The following TLK2 variants were observed in gnomAD, a reference collection of about 807,000 sequenced individuals.
TLK2 encodes the protein tousled like kinase 2, also known as serine/threonine-protein kinase tousled-like 2.
A neutral mutation model predicts 117.3 loss-of-function variants in TLK2; 6 were observed. That is an observed-to-expected ratio of 0.05 (90% confidence interval 0.03 to 0.10). The LOEUF is 0.10. Ranked by LOEUF, TLK2 falls within the 10% of genes least tolerant of loss-of-function variation. The pLI, the probability that TLK2 is intolerant of heterozygous loss-of-function variation, is 1.00. For missense variants in TLK2, 299 were observed against 901.2 expected (o/e 0.33, Z 8.56); for synonymous variants, 257 against 316.7 (o/e 0.81, Z 2.00).
intron 7 of TLK2, among the ~76,000 whole-genome samples, chr17:62,539,188 T>C (rs1455820284): frequency 6.6e-6 from 1 of 152,204 alleles, no homozygotes; most frequent in African/African-American, 2.4e-5. Flanking sequence ...TCCATTCCCA[T>C]AAAATTACAC....
chr17:62,506,250 A>T (rs1182167749), intron 2 of TLK2, among the ~76,000 whole-genome samples: 1 of 152,240 alleles, frequency 6.6e-6, no homozygotes, highest in Non-Finnish European at 1.5e-5. Context: ...CCAGACAGAT[A>T]GGTAGAACCT....
chr17:62,505,893 A>C (rs2074646680), intron 2 of TLK2, among the ~76,000 whole-genome samples: 1 of 152,044 alleles, frequency 6.6e-6, no homozygotes, highest in Non-Finnish European at 1.5e-5. Flanking sequence ...GGGTTTTGCC[A>C]TGTTGCTCAG....
At chr17:62,488,025 C>T (rs1336511169) in intron 2 of TLK2, among the ~76,000 whole-genome samples, 1 of 152,056 alleles carries the variant, frequency 6.6e-6, no homozygotes, top group Non-Finnish European at 1.5e-5. Context: ...CAGCAATCTC[C>T]ACCTCCCGGG....
At chr17:62,594,984 C>T (rs1285893305) in intron 16 of TLK2, among the ~76,000 whole-genome samples, 8 of 151,954 alleles carry the variant, frequency 5.3e-5, no homozygotes, top group African/African-American at 1.4e-4. Context: ...TTTTTTGAGA[C>T]GGAGTCTAAC....
chr17:62,590,488 C>A (rs1266957943), intron 16 of TLK2, among the ~76,000 whole-genome samples: 1 of 152,164 alleles, frequency 6.6e-6, no homozygotes, highest in Non-Finnish European at 1.5e-5. Flanking sequence ...TGCAATATTA[C>A]AAGGAATCTT....
At chr17:62,474,638 G>A (rs987756142), upstream of TLK2, among the ~76,000 whole-genome samples, 15 of 150,530 alleles carry the variant, frequency 1.0e-4, no homozygotes, top group Non-Finnish European at 2.2e-4. Flanking sequence ...TCGATCTCCT[G>A]ACCTCGTGAT....
Position 62,510,669 on chromosome 17 carries a change from T to C in TLK2, c.82-10104T>C, listed in dbSNP as rs9915545. 6.9e-3 allele frequency among the ~76,000 whole-genome samples: 1,046 copies of C among 152,370 alleles called. 7 individuals are homozygous for C. Among genetic ancestry groups the C allele is most frequent in the African/African-American group, 0.023 (973 of 41,592 alleles). On this transcript the variant is annotated intron_variant, in intron 2 of 21. Transcript: ENST00000346027. ...GGCCTCATATTGTAGTCCCTCTGTG[T>C]GCATACATGTCTGTGCGTGCTCACT...
chr17:62,566,444 A>G lies in TLK2; in HGVS notation c.968+1307A>G, dbSNP rs116565771. On this transcript the variant is annotated intron_variant, in intron 11 of 21. Coordinates refer to ENST00000346027, the MANE Select transcript of TLK2 (RefSeq NM_006852.6). ...TTTATGTGTGAAACATTAACCTCCA[A>G]CTTAGATTAAGCGTGTTTTTGCTTC... Among the ~76,000 whole-genome samples the G allele has an allele frequency of 5.2e-3, 796 of 152,246 alleles. 5 individuals are homozygous for G. Among genetic ancestry groups the G allele is most frequent in the African/African-American group, 0.018 (758 of 41,550 alleles).
intron 2 of TLK2, among the ~76,000 whole-genome samples, chr17:62,514,796 C>T (rs1331447678): frequency 6.6e-6 from 1 of 152,152 alleles, no homozygotes; most frequent in African/African-American, 2.4e-5. Context: ...CCATGCTTCT[C>T]TCAAACTCCT....
chr17:62,597,761 A>G (rs1353316608), intron 17 of TLK2, among the ~76,000 whole-genome samples: 1 of 152,166 alleles, frequency 6.6e-6, no homozygotes, highest in East Asian at 1.9e-4. Context: ...CTTGTCTGAG[A>G]TAGTTATTAA....
At chr17:62,562,582 A>G (rs2079379880) in intron 10 of TLK2, among the ~76,000 whole-genome samples, 1 of 152,192 alleles carries the variant, frequency 6.6e-6, no homozygotes. Flanking sequence ...TCCATCAGGA[A>G]AACTCAAGGT....
At chr17:62,510,689 C>G (rs1271107041) in intron 2 of TLK2, among the ~76,000 whole-genome samples, 2 of 152,196 alleles carry the variant, frequency 1.3e-5, no homozygotes, top group African/African-American at 4.8e-5. Context: ...TCTGTGCGTG[C>G]TCACTTGCTC....
At chr17:62,485,441 C>T (rs1293476063) in intron 2 of TLK2, among the ~76,000 whole-genome samples, 1 of 152,180 alleles carries the variant, frequency 6.6e-6, no homozygotes, top group Admixed American at 6.5e-5. Flanking sequence ...ACATCTATTA[C>T]TTATATTTAA....
intron 17 of TLK2, 36 bp from the exon 18 acceptor site, chr17:62,600,615 T>G: frequency 6.4e-7 from 1 of 1,557,516 alleles, no homozygotes; most frequent in Non-Finnish European, 8.7e-7. Flanking sequence ...TGCTTGCTCT[T>G]ATTCCATGGT....
At chr17:62,590,149 C>T (rs950214932) in intron 16 of TLK2, among the ~76,000 whole-genome samples, 3 of 147,392 alleles carry the variant, frequency 2.0e-5, no homozygotes, top group Non-Finnish European at 3.0e-5. Context: ...ACAGCAGCAC[C>T]GGCTGGGCAC....
In TLK2 at chr17:62,523,108, T is replaced by C. The variant is rs759966352; in HGVS notation, c.224-26T>C. On this transcript the variant is annotated intron_variant, in intron 4 of 21. Transcript: ENST00000346027. Reference sequence around the variant, plus strand: ...TGGTTTATATGTGTATTGGAAAAACTGTATTTACTTTGGTTTCATTTTCAG... The same window carrying C: ...TGGTTTATATGTGTATTGGAAAAACCGTATTTACTTTGGTTTCATTTTCAG... 3 of 1,582,032 alleles carry C rather than the reference T, an allele frequency of 1.9e-6. No homozygotes were observed. In the African/African-American group the frequency reaches 4.1e-5, roughly 22 times the overall value.
rs915894961 is a variant in TLK2 at position 62,573,005 on chromosome 17, T to C, written c.969-210T>C. On this transcript the variant is annotated intron_variant, in intron 11 of 21. Coordinates refer to ENST00000346027, the MANE Select transcript of TLK2 (RefSeq NM_006852.6). ...TGTCCACTCTGAAAATAGTAATAAC[T>C]AGTGTCTTAAAGCACAGACTCATTC... 1.2e-4 allele frequency: 63 copies of C among 517,542 alleles called. No individual in the cohort carries two copies. The East Asian group carries it at 2.1e-3, about 17-fold the overall frequency. 32.1% of individuals were successfully genotyped at this position (517,542 alleles called of 1,614,324 possible).
chr17:62,604,935 C>T (rs1336186408), intron 19 of TLK2, among the ~76,000 whole-genome samples: 4 of 152,066 alleles, frequency 2.6e-5, no homozygotes, highest in Non-Finnish European at 1.5e-5. Context: ...CCTATTCTTT[C>T]CTGCCACTGC....
intron 7 of TLK2, among the ~76,000 whole-genome samples, chr17:62,545,993 T>C (rs1167808213): frequency 1.3e-5 from 2 of 152,182 alleles, no homozygotes; most frequent in African/African-American, 4.8e-5. Context: ...GCAATTCTCC[T>C]GCCTCAGCCT....
Sources: allele counts gnomAD v4.1 joint callset (sites outside exome capture counted in the v4.1 genomes callset), GRCh38; gene constraint gnomAD v4.1.1; transcripts MANE v1.5; gene names NCBI Gene and HGNC (gene_info 2026-07-23, HGNC 2026-07-21).